Variants in CNTLN observed in about 807,000 individuals in gnomAD.
CNTLN encodes centlein, centrosomal protein.
In CNTLN, 212 loss-of-function variants were observed where a neutral mutation model predicts 180.0. That is an observed-to-expected ratio of 1.18 (90% CI 1.05 to 1.32). The LOEUF is 1.32. CNTLN is among the 40% of genes most tolerant of loss of function. The pLI, the probability that CNTLN is intolerant of heterozygous loss-of-function variation, is 0.00. For missense variants in CNTLN, 2,095 were observed against 1,610.9 expected (o/e 1.30, Z -5.14); for synonymous variants, 722 against 563.1 (o/e 1.28, Z -3.99).
At chr9:17,219,452 C>A (rs1433815031) in intron 2 of CNTLN, among the ~76,000 whole-genome samples, 2 of 151,954 alleles carry the variant, frequency 1.3e-5, no homozygotes, top group East Asian at 3.9e-4. Flanking sequence ...ACATCTCATA[C>A]CACCAGGAGG....
At chr9:17,473,408 C>T (rs1216322127) in intron 23 of CNTLN, among the ~76,000 whole-genome samples, 2 of 152,046 alleles carry the variant, frequency 1.3e-5, no homozygotes, top group Non-Finnish European at 2.9e-5. Context: ...CATACTGTCC[C>T]TTCCCTCCTA....
At chr9:17,406,820 C>G (rs1169281901) in intron 15 of CNTLN, among the ~76,000 whole-genome samples, 3 of 151,726 alleles carry the variant, frequency 2.0e-5, no homozygotes, top group African/African-American at 7.3e-5. Context: ...GAAGGAAGCA[C>G]TCTGCCCCAT....
intron 12 of CNTLN, among the ~76,000 whole-genome samples, chr9:17,359,717 T>TAAAAAAAAAAAAAAAAAAAAAA (rs1456379699): frequency 2.2e-4 from 3 of 13,488 alleles, no homozygotes; most frequent in East Asian, 3.1e-3. Flanking sequence ...CCGTCTATAC[T>TAAAAAAAAAAAAAAAAAAAAAA]AAAAATACAA....
At chr9:17,242,571 A>G (rs1825559886) in intron 5 of CNTLN, among the ~76,000 whole-genome samples, 1 of 152,182 alleles carries the variant, frequency 6.6e-6, no homozygotes, top group Admixed American at 6.5e-5. Flanking sequence ...TCAGCCTCCC[A>G]AAGTGCTGGG....
At chr9:17,319,641 T>C (rs1238085561) in intron 8 of CNTLN, among the ~76,000 whole-genome samples, 1 of 152,182 alleles carries the variant, frequency 6.6e-6, no homozygotes, top group Non-Finnish European at 1.5e-5. Context: ...GTCAACTCAG[T>C]TTCAACATTT....
intron 12 of CNTLN, among the ~76,000 whole-genome samples, chr9:17,350,969 A>T (rs188270063): frequency 1.3e-5 from 2 of 152,324 alleles, no homozygotes; most frequent in East Asian, 3.9e-4. Flanking sequence ...AATATTTTAG[A>T]CTACAATTTG....
intron 18 of CNTLN, among the ~76,000 whole-genome samples, chr9:17,418,466 G>A (rs547948822): frequency 1.6e-4 from 25 of 151,956 alleles, no homozygotes; most frequent in Non-Finnish European, 3.1e-4. Flanking sequence ...AAGATGTCAA[G>A]ATCCCAGATT....
intron 8 of CNTLN, among the ~76,000 whole-genome samples, chr9:17,325,427 C>G (rs1820214553): frequency 6.9e-6 from 1 of 145,940 alleles, no homozygotes; most frequent in African/African-American, 2.5e-5. Context: ...TATACACAGA[C>G]AATTATATAC....
At chr9:17,480,228 C>G (rs1182213530) in intron 23 of CNTLN, among the ~76,000 whole-genome samples, 2 of 151,952 alleles carry the variant, frequency 1.3e-5, no homozygotes, top group Non-Finnish European at 2.9e-5. Flanking sequence ...AAAAAATCAA[C>G]AAACATTACA....
chr9:17,325,266 T>G (rs1199383769), intron 8 of CNTLN, among the ~76,000 whole-genome samples: 1 of 139,712 alleles, frequency 7.2e-6, no homozygotes, highest in East Asian at 2.0e-4. Context: ...ATGTTTACTT[T>G]ATTAATTGGT....
At chr9:17,312,366 A>ATATATATATATTATATATATATAT (rs1563984897) in intron 8 of CNTLN, among the ~76,000 whole-genome samples, 1 of 9,324 alleles carries the variant, frequency 1.1e-4, no homozygotes, top group African/African-American at 2.2e-4. Context: ...TATATATATT[A>ATATATATATATTATATATATATAT]TATATATATA....
intron 23 of CNTLN, among the ~76,000 whole-genome samples, chr9:17,473,638 G>C (rs1344858130): frequency 2.0e-5 from 3 of 150,376 alleles, no homozygotes; most frequent in African/African-American, 4.9e-5. Flanking sequence ...ATTTGACTCT[G>C]TATCTCCTCT....
intron 2 of CNTLN, among the ~76,000 whole-genome samples, chr9:17,193,258 G>A (rs1369654351): frequency 1.3e-5 from 2 of 151,984 alleles, no homozygotes; most frequent in Non-Finnish European, 2.9e-5. Flanking sequence ...CTTCCCAACA[G>A]TCCCCCAAAG....
chr9:17,189,436 T>A (rs1315182917), intron 2 of CNTLN, among the ~76,000 whole-genome samples: 1 of 151,542 alleles, frequency 6.6e-6, no homozygotes, highest in African/African-American at 2.4e-5. Context: ...AGCAGCTTTT[T>A]TTCTAATCTA....
intron 5 of CNTLN, among the ~76,000 whole-genome samples, chr9:17,271,910 T>G (rs1324511643): frequency 6.6e-6 from 1 of 152,200 alleles, no homozygotes; most frequent in Non-Finnish European, 1.5e-5. Context: ...GCTGCCTGGT[T>G]GTTCCATTTT....
At chr9:17,232,598 A>G (rs887561461) in intron 3 of CNTLN, among the ~76,000 whole-genome samples, 1 of 152,108 alleles carries the variant, frequency 6.6e-6, no homozygotes, top group East Asian at 1.9e-4. Flanking sequence ...TTTCTCCTTC[A>G]AAGGATAGGC....
intron 2 of CNTLN, among the ~76,000 whole-genome samples, chr9:17,178,320 C>T (rs1431052552): frequency 6.6e-6 from 1 of 152,204 alleles, no homozygotes; most frequent in African/African-American, 2.4e-5. Flanking sequence ...TCCAATTCCC[C>T]ACCAGACTCA....
intron 5 of CNTLN, among the ~76,000 whole-genome samples, chr9:17,259,222 A>T (rs112931816): frequency 0.23 from 34,236 of 148,686 alleles, 5,033 homozygotes; most frequent in African/African-American, 0.36. Flanking sequence ...TTCTGCATCT[A>T]TTGAGATAAT....
chr9:17,330,852 G>T (rs761801198), intron 9 of CNTLN, 44 bp downstream of exon 9: 2 of 1,525,976 alleles, frequency 1.3e-6, no homozygotes, highest in African/African-American at 2.8e-5. Context: ...GGATGAGGCT[G>T]GAAAGACAAG....
Sources: allele counts gnomAD v4.1 joint callset (sites outside exome capture counted in the v4.1 genomes callset), GRCh38; gene constraint gnomAD v4.1.1; transcripts MANE v1.5; gene names NCBI Gene and HGNC (gene_info 2026-07-23, HGNC 2026-07-21).